The following DOK6 variants were observed in gnomAD, a reference collection of about 807,000 sequenced individuals.
DOK6 encodes the protein docking protein 6, also known as downstream of tyrosine kinase 6.
DOK6 carries 22 observed loss-of-function variants against 44.0 expected under a neutral mutation model. The observed-to-expected ratio is 0.50, with a 90% CI of 0.36 to 0.71. The LOEUF (loss-of-function observed/expected upper bound fraction) is 0.71, where lower values mean the gene tolerates loss of function less well. DOK6 is among the 30% of genes least tolerant of loss of function. The pLI, the probability that DOK6 is intolerant of heterozygous loss-of-function variation, is 0.00. For synonymous variants in DOK6, 166 were observed against 145.5 expected, an observed-to-expected ratio of 1.14 and a Z score of -1.01; for missense variants, 340 against 416.4, an observed-to-expected ratio of 0.82 and a Z score of 1.60.
Position 69,552,667 on chromosome 18 carries a change from A to T in DOK6, c.67-11820A>T, listed in dbSNP as rs972308453. 1.9e-4 allele frequency among the ~76,000 whole-genome samples: 29 copies of T among 152,156 alleles called. 1 individual carries two copies. The highest frequency in any genetic ancestry group is 6.8e-4 in the African/African-American group (28 of 41,448). ...TGTTCTTTATTATAATCTGCATGTT[A>T]TTCAGTTATTTTTTATTTTGTCTTT... On this transcript the variant is annotated intron_variant, in intron 1 of 7. Coordinates refer to ENST00000382713, the MANE Select transcript of DOK6 (RefSeq NM_152721.6).
At chr18:69,447,733 T>A (rs1212523055) in intron 1 of DOK6, among the ~76,000 whole-genome samples, 1 of 152,248 alleles carries the variant, frequency 6.6e-6, no homozygotes, top group African/African-American at 2.4e-5. Flanking sequence ...GAGGTTATTT[T>A]CTGCTTTTAA....
intron 1 of DOK6, among the ~76,000 whole-genome samples, chr18:69,418,887 ACT>A (rs1491174120): frequency 2.6e-5 from 4 of 152,030 alleles, no homozygotes; most frequent in Non-Finnish European, 1.5e-5. Flanking sequence ...TGGGGAAAAA[ACT>A]TTTTTTGCCT....
At position 69,843,400 on chromosome 18, in the gene DOK6, C is replaced by G. The variant is rs1982278948; in HGVS notation, c.*2017C>G. On this transcript the variant is annotated 3_prime_UTR_variant, in exon 8 of 8. Transcript: ENST00000382713. ...ACACCAGAGCAACTCCCAGCTGAGA[C>G]CATTTGAGCACAGTTCCTAGTGGGG... is the stretch of plus-strand genomic sequence containing the variant. The G allele has an allele frequency of 6.6e-6, 1 of 152,370 alleles. No homozygotes were observed. Among genetic ancestry groups the G allele is most frequent in the African/African-American group, 2.4e-5 (1 of 41,572 alleles). The allele number at this position is 152,370 out of a possible 1,614,324, so 9.4% of individuals were successfully genotyped here.
chr18:69,602,356 G>C (rs1368701994), intron 3 of DOK6, among the ~76,000 whole-genome samples: 1 of 152,154 alleles, frequency 6.6e-6, no homozygotes, highest in East Asian at 1.9e-4. Context: ...AATAACATCA[G>C]ACACATCCCA....
At chr18:69,476,029 C>T (rs1212266064) in intron 1 of DOK6, among the ~76,000 whole-genome samples, 1 of 152,136 alleles carries the variant, frequency 6.6e-6, no homozygotes, top group Admixed American at 6.5e-5. Flanking sequence ...CAGTCCTTGC[C>T]ACTCTCCTTC....
chr18:69,757,950 T>G, intron 7 of DOK6, 77 bp downstream of exon 7: 1 of 1,226,622 alleles, frequency 8.2e-7, no homozygotes, highest in Non-Finnish European at 1.2e-6. Context: ...AATTGCTTTG[T>G]ATTTGCATTG....
At chr18:69,437,021 A>T (rs1978999872) in intron 1 of DOK6, among the ~76,000 whole-genome samples, 2 of 151,944 alleles carry the variant, frequency 1.3e-5, no homozygotes, top group African/African-American at 4.8e-5. Context: ...TTTTCTTGTA[A>T]ATTTGTTCAA....
At chr18:69,416,661 T>C (rs1978348898) in intron 1 of DOK6, among the ~76,000 whole-genome samples, 1 of 152,148 alleles carries the variant, frequency 6.6e-6, no homozygotes, top group African/African-American at 2.4e-5. Flanking sequence ...CTCCAGATTG[T>C]ATGACCTATC....
chr18:69,638,144 A>T (rs1413347879), intron 3 of DOK6, among the ~76,000 whole-genome samples: 3 of 152,354 alleles, frequency 2.0e-5, no homozygotes, highest in African/African-American at 7.2e-5. Context: ...CATGTGTGTC[A>T]TAAAGTCTCT....
At chr18:69,487,879 T>C (rs994412851) in intron 1 of DOK6, among the ~76,000 whole-genome samples, 2 of 151,928 alleles carry the variant, frequency 1.3e-5, no homozygotes, top group Non-Finnish European at 1.5e-5. Flanking sequence ...ACAAAAACTC[T>C]TTCTGGTGTA....
chr18:69,445,706 A>G (rs1979265842), intron 1 of DOK6, among the ~76,000 whole-genome samples: 1 of 152,046 alleles, frequency 6.6e-6, no homozygotes, highest in South Asian at 2.1e-4. Flanking sequence ...GCTTAGTAGT[A>G]TTTTTTGGAG....
At chr18:69,757,678 A>T (rs1979402187) in intron 6 of DOK6, 78 bp from the exon 7 acceptor site, 1 of 1,193,414 alleles carries the variant, frequency 8.4e-7, no homozygotes. Context: ...ACTCACATTT[A>T]ACCCTGAATA....
chr18:69,628,916 T>C (rs1177755830), intron 3 of DOK6, among the ~76,000 whole-genome samples: 1 of 152,174 alleles, frequency 6.6e-6, no homozygotes, highest in Non-Finnish European at 1.5e-5. Context: ...CTGGAGCTGG[T>C]GATGGAACAA....
intron 3 of DOK6, among the ~76,000 whole-genome samples, chr18:69,663,768 C>G (rs1985588042): frequency 6.6e-6 from 1 of 152,144 alleles, no homozygotes; most frequent in African/African-American, 2.4e-5. Context: ...AGCCTATCCT[C>G]AAATCTCTAA....
In DOK6 at chr18:69,734,562, A is replaced by C. The variant is rs577260454; in HGVS notation, c.600-4403A>C. Among the ~76,000 whole-genome samples the C allele has an allele frequency of 2.0e-5, 3 of 152,294 alleles. No individual in the cohort carries two copies. In the South Asian group the frequency reaches 6.2e-4, roughly 32 times the overall value. The stretch of plus-strand genomic sequence containing the variant: ...TTAAACGTTAAATTTTAAATACTGA[A>C]TAGAAATACCACTGGGTTTTTAGGA... On this transcript the variant is annotated intron_variant, in intron 5 of 7. Transcript: ENST00000382713.
intron 7 of DOK6, among the ~76,000 whole-genome samples, chr18:69,770,683 G>A (rs571758826): frequency 6.6e-6 from 1 of 152,138 alleles, no homozygotes; most frequent in East Asian, 1.9e-4. Context: ...TAACTCGTGA[G>A]GGTTGCCATT....
At chr18:69,592,876 T>A (rs962901459) in intron 2 of DOK6, among the ~76,000 whole-genome samples, 8 of 152,160 alleles carry the variant, frequency 5.3e-5, no homozygotes, top group African/African-American at 1.9e-4. Flanking sequence ...ATTGACAGGT[T>A]TTAGACTAAT....
intron 1 of DOK6, among the ~76,000 whole-genome samples, chr18:69,459,596 G>A (rs958304759): frequency 6.6e-6 from 1 of 152,140 alleles, no homozygotes; most frequent in African/African-American, 2.4e-5. Flanking sequence ...TGCTCAGAAC[G>A]ATGAAACTCA....
At chr18:69,489,565 G>A (rs1194698601) in intron 1 of DOK6, among the ~76,000 whole-genome samples, 3 of 152,130 alleles carry the variant, frequency 2.0e-5, no homozygotes, top group Admixed American at 1.3e-4. Context: ...CACCATGATC[G>A]ATTATAGGTT....
Sources: allele counts gnomAD v4.1 joint callset (sites outside exome capture counted in the v4.1 genomes callset), GRCh38; gene constraint gnomAD v4.1.1; transcripts MANE v1.5; gene names NCBI Gene and HGNC (gene_info 2026-07-23, HGNC 2026-07-21).